DMRT3: variants seen among roughly 807,000 people sequenced by gnomAD.
DMRT3 encodes the protein doublesex- and mab-3-related transcription factor 3.
Under a neutral mutation model 34.9 loss-of-function variants are expected in DMRT3, and 29 were observed. That is an observed-to-expected ratio of 0.83 (90% CI 0.62 to 1.13). The LOEUF (loss-of-function observed/expected upper bound fraction) is 1.13, where lower values mean the gene tolerates loss of function less well. Among genes scored for constraint, DMRT3 ranks in the 50% most tolerant of loss-of-function variants. The pLI, the probability that DMRT3 is intolerant of heterozygous loss-of-function variation, is 0.00. For missense variants in DMRT3, 772 were observed against 629.1 expected (o/e 1.23, Z -2.43); for synonymous variants, 350 against 286.0 (o/e 1.22, Z -2.26).
intron 1 of DMRT3, among the ~76,000 whole-genome samples, chr9:986,884 C>A: frequency 1.3e-5 from 1 of 76,320 alleles, no homozygotes; most frequent in Non-Finnish European, 2.4e-5. Context: ...GAGTGAGACT[C>A]TGTCTCAAAA....
Position 990,596 on chromosome 9 carries a change from C to T in DMRT3, c.1010C>T (p.Pro337Leu). 4.3e-6 allele frequency: 7 copies of T among 1,614,156 alleles called. No individual in the cohort carries two copies. The highest frequency in any genetic ancestry group is 1.7e-5 in the Admixed American group (1 of 60,020). The change falls in exon 2 of 2, where the codon CCA becomes CTA. Residue 337 changes from proline to leucine, a missense_variant. Transcript: ENST00000190165. ...TCTGTGGGATCAGCCTTTCGAGTCC[C>T]AGACACGTTGAGGTTTTCTGCCGAC... ...KWSVGSAFRV[P>L]DTLRFSADSS...
intron 1 of DMRT3, among the ~76,000 whole-genome samples, chr9:982,663 C>T (rs886189245): frequency 1.3e-5 from 2 of 152,196 alleles, no homozygotes; most frequent in African/African-American, 4.8e-5. Context: ...AACAGCTTTA[C>T]AGAGAGAAAA....
chr9:987,593 C>G (rs982002763), intron 1 of DMRT3, among the ~76,000 whole-genome samples: 2 of 152,046 alleles, frequency 1.3e-5, no homozygotes, highest in African/African-American at 4.8e-5. Context: ...CTGCCAGGCC[C>G]TGTTTGCTTC....
chr9:983,255 C>G (rs166788), intron 1 of DMRT3, among the ~76,000 whole-genome samples: 30,842 of 152,108 alleles, frequency 0.2, 3,915 homozygotes, highest in South Asian at 0.3. Flanking sequence ...TTGATTACAA[C>G]AACTAGGCAG....
intron 1 of DMRT3, among the ~76,000 whole-genome samples, chr9:981,892 C>G (rs1306173254): frequency 1.3e-5 from 2 of 152,188 alleles, no homozygotes; most frequent in Non-Finnish European, 2.9e-5. Flanking sequence ...CGCCCAGAGA[C>G]AGCCACATCC....
intron 1 of DMRT3, among the ~76,000 whole-genome samples, chr9:988,373 G>A (rs1199502022): frequency 6.6e-6 from 1 of 152,190 alleles, no homozygotes; most frequent in African/African-American, 2.4e-5. Context: ...ATTTACTTAT[G>A]TTTGCCACAT....
chr9:981,734 G>T (rs1820223650), intron 1 of DMRT3, among the ~76,000 whole-genome samples: 1 of 152,168 alleles, frequency 6.6e-6, no homozygotes, highest in Non-Finnish European at 1.5e-5. Flanking sequence ...AAAGATAGGG[G>T]GCAGCGGCTC....
chr9:977,424 C>T lies in DMRT3; in HGVS notation c.423C>T (p.Pro141=). 1 of 1,273,074 alleles carries T rather than the reference C, an allele frequency of 7.9e-7. No individual in the cohort carries two copies. Among genetic ancestry groups the T allele is most frequent in the Non-Finnish European group, 9.9e-7 (1 of 1,011,492 alleles). The allele number at this position is 1,273,074 out of a possible 1,614,324, so 78.9% of individuals were successfully genotyped here. Residue 141 remains proline, a synonymous_variant, in exon 1 of 2, where the codon CCC becomes CCT. Transcript: ENST00000190165. ...AALRWTAEPQ[P]GALQAQLAKP... The stretch of plus-strand genomic sequence containing the variant: ...TGCGTTGGACTGCCGAGCCGCAGCC[C>T]GGGGCTCTGCAGGCGCAGCTCGCCA...
chr9:982,372 T>C (rs1820232547), intron 1 of DMRT3, among the ~76,000 whole-genome samples: 2 of 152,208 alleles, frequency 1.3e-5, no homozygotes, highest in Non-Finnish European at 2.9e-5. Flanking sequence ...AAAGAACCTC[T>C]CTCCACCTCC....
At chr9:981,379 A>G (rs1026191740) in intron 1 of DMRT3, among the ~76,000 whole-genome samples, 3 of 152,194 alleles carry the variant, frequency 2.0e-5, no homozygotes, top group Admixed American at 2.0e-4. Flanking sequence ...GGAAGAAAAG[A>G]AAAGCGGGAA....
At chr9:988,267 C>T (rs1586685847) in intron 1 of DMRT3, among the ~76,000 whole-genome samples, 1 of 151,634 alleles carries the variant, frequency 6.6e-6, no homozygotes, top group African/African-American at 2.4e-5. Flanking sequence ...AAAAAAGAAG[C>T]AGTTTAATTA....
chr9:984,458 CA>C (rs113571814), intron 1 of DMRT3, among the ~76,000 whole-genome samples: 1,660 of 147,184 alleles, frequency 0.011, 25 homozygotes, highest in African/African-American at 0.037. Flanking sequence ...AGATTTTTCA[CA>C]TTTTTTTTTT....
intron 1 of DMRT3, among the ~76,000 whole-genome samples, chr9:989,186 A>T (rs1820321211): frequency 6.6e-6 from 1 of 152,214 alleles, no homozygotes; most frequent in Non-Finnish European, 1.5e-5. Flanking sequence ...CATGAACTGT[A>T]CCAGCAAAAC....
At position 976,728 on chromosome 9, in the gene DMRT3, G is replaced by A. The variant is rs1051963672; in HGVS notation, c.-274G>A. ...CAGCCGCCGCAGCGCCTCCGCGAAGGAGGACGTGCCGACCCGGCTGCGCGC... is the reference window on the plus strand; with the variant it reads ...CAGCCGCCGCAGCGCCTCCGCGAAGAAGGACGTGCCGACCCGGCTGCGCGC... On this transcript the variant is annotated 5_prime_UTR_variant, in exon 1 of 2. Transcript: ENST00000190165. The surrounding 1 kb of genome is among the most constrained non-coding windows in gnomAD (Gnocchi z 4.5). Among the ~76,000 whole-genome samples, 1 of 152,172 alleles carries A rather than the reference G, an allele frequency of 6.6e-6. No individual in the cohort carries two copies. The highest frequency in any genetic ancestry group is 2.4e-5 in the African/African-American group (1 of 41,460).
In DMRT3 at chr9:991,228, A is replaced by T; in HGVS notation, c.*223A>T. 2.0e-6 allele frequency: 1 copy of T among 511,438 alleles called. No homozygotes were observed. The allele number at this position is 511,438 out of a possible 1,614,324, so 31.7% of individuals were successfully genotyped here. On this transcript the variant is annotated 3_prime_UTR_variant, in exon 2 of 2. Coordinates refer to ENST00000190165, the MANE Select transcript of DMRT3 (RefSeq NM_021240.4). ...TCTGTGGCTTTAGTGCTGAATGTTT[A>T]TTGTAAAAGAGAGTCTAATGTTAAG...
chr9:977,550 T>A (rs1389857345), intron 1 of DMRT3, 95 bp downstream of exon 1: 1 of 1,123,458 alleles, frequency 8.9e-7, no homozygotes, highest in Non-Finnish European at 1.1e-6. Flanking sequence ...AGGCAAAGTT[T>A]TGGGACGTGG....
intron 1 of DMRT3, chr9:989,772 G>T: frequency 3.0e-6 from 1 of 336,906 alleles, no homozygotes; most frequent in Non-Finnish European, 5.4e-6. Context: ...ATATGTTACA[G>T]GTTCATGTAG....
chr9:980,602 G>GTA (rs71327365), intron 1 of DMRT3, among the ~76,000 whole-genome samples: 71,788 of 141,816 alleles, frequency 0.51, 18,400 homozygotes, highest in Middle Eastern at 0.64. Flanking sequence ...ATATGTGTGT[G>GTA]TATATATATA....
chr9:989,895 AT>A (rs1051151395), intron 1 of DMRT3, 145 bp from the exon 2 acceptor site: 16 of 1,073,322 alleles, frequency 1.5e-5, no homozygotes, highest in African/African-American at 3.2e-5. Flanking sequence ...TATAGTTCGA[AT>A]TTTTTTAAAA....
Sources: allele counts gnomAD v4.1 joint callset (sites outside exome capture counted in the v4.1 genomes callset), GRCh38; gene constraint gnomAD v4.1.1; non-coding constraint Gnocchi (gnomAD v3.1); transcripts MANE v1.5; gene names NCBI Gene and HGNC (gene_info 2026-07-23, HGNC 2026-07-21).